PLCH1: variants seen among roughly 807,000 people sequenced by gnomAD.
PLCH1 encodes the protein 1-phosphatidylinositol 4,5-bisphosphate phosphodiesterase eta-1.
Under a neutral mutation model 126.7 loss-of-function variants are expected in PLCH1, and 60 were observed. That is an observed-to-expected ratio of 0.47 (90% CI 0.38 to 0.59). PLCH1 has a LOEUF of 0.59. Among genes scored for constraint, PLCH1 ranks in the 20% least tolerant of loss-of-function variants. The probability of loss-of-function intolerance (pLI) is 0.00; values close to 1 mark genes in which losing one functional copy is unlikely to be tolerated. For synonymous variants in PLCH1, 719 were observed against 734.9 expected (o/e 0.98, Z 0.35); for missense variants, 1,723 against 2,040.0 (o/e 0.84, Z 2.99).
intron 2 of PLCH1, among the ~76,000 whole-genome samples, chr3:155,633,965 T>G (rs1256223429): frequency 6.6e-6 from 1 of 151,184 alleles, no homozygotes; most frequent in East Asian, 1.9e-4. Flanking sequence ...TGACTCCATC[T>G]TTTTTTTTAA....
intron 1 of PLCH1, among the ~76,000 whole-genome samples, chr3:155,726,701 T>TC (rs1362805289): frequency 1.2e-3 from 187 of 150,858 alleles, no homozygotes; most frequent in Admixed American, 3.8e-3. Context: ...CAGATTCTTT[T>TC]TTTTTTTTTT....
chr3:155,573,129 T>C lies in PLCH1; in HGVS notation c.772-4805A>G, dbSNP rs148726388. 1.2e-4 allele frequency among the ~76,000 whole-genome samples: 19 copies of C among 152,346 alleles called. No individual in the cohort carries two copies. In the East Asian group the frequency reaches 2.3e-3, roughly 19 times the overall value. On this transcript the variant is annotated intron_variant, in intron 6 of 22. Transcript: ENST00000460012. ...ATTAACAATAATTTTTAAAGTTTCC[T>C]CCTCCTTGCATTACCTCTGTTTCCT... is the stretch of plus-strand genomic sequence containing the variant.
At chr3:155,717,624 G>A (rs2109124961) in intron 1 of PLCH1, among the ~76,000 whole-genome samples, 1 of 152,368 alleles carries the variant, frequency 6.6e-6, no homozygotes, top group Middle Eastern at 3.4e-3. Context: ...TCTTTGAGCA[G>A]AGGCTAATGC....
intron 21 of PLCH1, among the ~76,000 whole-genome samples, chr3:155,468,409 C>T (rs1713010649): frequency 6.6e-6 from 1 of 152,104 alleles, no homozygotes; most frequent in Admixed American, 6.6e-5. Flanking sequence ...CTAAAAATGA[C>T]ATTGAATGTA....
chr3:155,606,741 G>A (rs540649913), intron 2 of PLCH1, among the ~76,000 whole-genome samples: 1 of 152,292 alleles, frequency 6.6e-6, no homozygotes, highest in East Asian at 1.9e-4. Context: ...ATTGCCATTG[G>A]GTTGCCCACC....
At chr3:155,505,191 T>G (rs1560082621) in intron 12 of PLCH1, among the ~76,000 whole-genome samples, 1 of 152,122 alleles carries the variant, frequency 6.6e-6, no homozygotes, top group Non-Finnish European at 1.5e-5. Flanking sequence ...CAAGCAAAGT[T>G]TATGTGTTCG....
At chr3:155,691,465 C>T (rs1745377738) in intron 2 of PLCH1, among the ~76,000 whole-genome samples, 1 of 152,172 alleles carries the variant, frequency 6.6e-6, no homozygotes, top group Non-Finnish European at 1.5e-5. Context: ...TTGTGCAAAA[C>T]AAGAGCAATC....
intron 8 of PLCH1, among the ~76,000 whole-genome samples, chr3:155,558,894 C>T (rs1469596047): frequency 1.3e-5 from 2 of 152,160 alleles, no homozygotes; most frequent in Non-Finnish European, 2.9e-5. Flanking sequence ...AATCACAGGA[C>T]TGACAGATAT....
At chr3:155,649,010 A>C (rs1468736004) in intron 2 of PLCH1, among the ~76,000 whole-genome samples, 6 of 152,174 alleles carry the variant, frequency 3.9e-5, no homozygotes. Flanking sequence ...AGCAACAAAA[A>C]TCCACTGAAG....
intron 2 of PLCH1, among the ~76,000 whole-genome samples, chr3:155,681,225 T>C (rs763041558): frequency 3.7e-4 from 57 of 152,158 alleles, no homozygotes; most frequent in Non-Finnish European, 7.9e-4. Context: ...TTAGTAACAC[T>C]AAACTTAGAA....
rs1338947064 is a variant in PLCH1 at position 155,481,096 on chromosome 3, T to C, written c.4930A>G (p.Ile1644Val). ...TKGGGLEGRG[I>V]PEGACTALHY... ...AGAGCCGTGCATGCCCCCTCTGGGA[T>C]GCCCCGGCCTTCAAGGCCACCCCCT... The change falls in exon 23 of 23, where the codon ATC (isoleucine) becomes GTC (valine). Residue 1644 changes from isoleucine to valine, a missense_variant. By Grantham distance (29) the Ile-to-Val change is conservative. This residue lies in a region of PLCH1 where 947 missense variants were observed against 977.1 expected (regional missense o/e 0.97). Transcript: ENST00000460012. The surrounding 1 kb of genome is among the most constrained non-coding windows in gnomAD (Gnocchi z 4.2). 2.5e-6 allele frequency: 4 copies of C among 1,614,194 alleles called. No homozygotes were observed. The East Asian group carries it at 8.9e-5, about 36-fold the overall frequency.
In PLCH1 at chr3:155,481,473, T is replaced by G. The variant is rs1475535534; in HGVS notation, c.4553A>C (p.Lys1518Thr). 13 of 1,614,226 alleles carry G rather than the reference T, an allele frequency of 8.1e-6. No homozygotes were observed. Among genetic ancestry groups the G allele is most frequent in the Non-Finnish European group, 1.1e-5 (13 of 1,180,044 alleles). ...KSFVTTGIRD[K>T]KGVTVKTKSL... is the part of the protein sequence containing the mutation. ...CTTTGTCTTCACAGTCACGCCCTTC[T>G]TGTCTCTAATGCCAGTTGTAACAAA... Residue 1518 changes from lysine (K) to threonine (T), a missense_variant, in exon 23 of 23, where the codon AAG becomes ACG. This residue lies in a region of PLCH1 where 947 missense variants were observed against 977.1 expected (regional missense o/e 0.97). Coordinates refer to ENST00000460012, the MANE Select transcript of PLCH1 (RefSeq NM_014996.4). This position sits in a 1 kb window ranked among gnomAD's most constrained non-coding sequence, Gnocchi z 4.2.
At chr3:155,576,295 A>G (rs2108564307) in intron 6 of PLCH1, among the ~76,000 whole-genome samples, 1 of 152,326 alleles carries the variant, frequency 6.6e-6, no homozygotes, top group African/African-American at 2.4e-5. Flanking sequence ...CTTCGGAACC[A>G]CAGATTAGTG....
intron 22 of PLCH1, among the ~76,000 whole-genome samples, chr3:155,483,724 A>G (rs1714550621): frequency 6.6e-6 from 1 of 152,146 alleles, no homozygotes; most frequent in East Asian, 1.9e-4. Context: ...CACAAATTTC[A>G]TATTGCATCC....
At chr3:155,725,173 A>G (rs116464681) in intron 1 of PLCH1, among the ~76,000 whole-genome samples, 3,511 of 152,138 alleles carry the variant, frequency 0.023, 134 homozygotes, top group African/African-American at 0.081. Flanking sequence ...TTTGACCCCA[A>G]TCCCTTCTAG....
chr3:155,615,157 C>T (rs1425767382), intron 2 of PLCH1, among the ~76,000 whole-genome samples: 1 of 152,018 alleles, frequency 6.6e-6, no homozygotes, highest in Admixed American at 6.6e-5. Context: ...AGAAGATATA[C>T]AAATGGACAA....
At chr3:155,632,542 G>A (rs1361632118) in intron 2 of PLCH1, among the ~76,000 whole-genome samples, 1 of 152,074 alleles carries the variant, frequency 6.6e-6, no homozygotes, top group Non-Finnish European at 1.5e-5. Flanking sequence ...AGATGACTAG[G>A]CCTATGTCAA....
intron 21 of PLCH1, 195 bp from the exon 22 acceptor site, chr3:155,485,905 A>G: frequency 1.7e-6 from 1 of 601,004 alleles, no homozygotes; most frequent in South Asian, 2.1e-5. Flanking sequence ...CTTACTTTGC[A>G]AGGACTTCAG....
chr3:155,691,155 TGA>T (rs1172608461), intron 2 of PLCH1, among the ~76,000 whole-genome samples: 2 of 152,222 alleles, frequency 1.3e-5, no homozygotes, highest in East Asian at 3.9e-4. Flanking sequence ...ACCCTGGATT[TGA>T]GAGTCTGACA....
Sources: gnomAD v4.1 joint callset for allele counts (sites outside exome capture counted in the v4.1 genomes callset) on GRCh38, gnomAD v4.1.1 for gene constraint, gnomAD v4.1.1 regional missense constraint, Gnocchi (gnomAD v3.1) non-coding constraint, MANE v1.5 for transcripts, NCBI Gene and HGNC (gene_info 2026-07-23, HGNC 2026-07-21) for gene names.